The following RGL1 variants were observed in gnomAD, a reference collection of about 807,000 sequenced individuals.
RGL1 encodes the protein ral guanine nucleotide dissociation stimulator-like 1.
RGL1 carries 24 observed loss-of-function variants against 95.2 expected under a neutral mutation model. The observed-to-expected ratio is 0.25, with a 90% confidence interval of 0.18 to 0.35. The LOEUF (loss-of-function observed/expected upper bound fraction) is 0.35. Among genes scored for constraint, RGL1 ranks in the 10% least tolerant of loss-of-function variants. The pLI is 1.00. For missense variants in RGL1, 715 were observed against 936.3 expected, an observed-to-expected ratio of 0.76 and a Z score of 3.08; for synonymous variants, 329 against 344.9, an observed-to-expected ratio of 0.95 and a Z score of 0.51.
At chr1:183,916,313 A>T (rs1558293161) in intron 15 of RGL1, 134 bp from the exon 16 acceptor site, 9 of 1,044,388 alleles carry the variant, frequency 8.6e-6, no homozygotes. Flanking sequence ...GATGAGACAC[A>T]TGTGTGCTGT....
At chr1:183,758,850 CT>C (rs535837320) in intron 2 of RGL1, among the ~76,000 whole-genome samples, 130 of 152,282 alleles carry the variant, frequency 8.5e-4, no homozygotes, top group Middle Eastern at 3.4e-3. Flanking sequence ...AAATGGTGCC[CT>C]TAACTCCATC....
rs192961154 is a variant in RGL1, at chr1:183,748,219, C to T, written c.132+5930C>T. On this transcript the variant is annotated intron_variant, in intron 2 of 18. Transcript: ENST00000304685. ...TGTCTATTTGATCCTTTTCTCTTTT[C>T]GTCTTTATTAGTCTGGCTAGTGGTC... is the stretch of plus-strand genomic sequence containing the variant. 5.9e-4 allele frequency among the ~76,000 whole-genome samples: 89 copies of T among 151,842 alleles called. 2 individuals carry two copies. The East Asian group carries it at 0.015, about 26-fold the overall frequency.
At chr1:183,911,325 G>T (rs1208158408) in intron 14 of RGL1, among the ~76,000 whole-genome samples, 1 of 152,182 alleles carries the variant, frequency 6.6e-6, no homozygotes, top group East Asian at 1.9e-4. Flanking sequence ...CTAGTAGAAA[G>T]ATATTTTTCT....
intron 4 of RGL1, among the ~76,000 whole-genome samples, chr1:183,867,503 G>A (rs578016348): frequency 6.6e-6 from 1 of 152,288 alleles, no homozygotes; most frequent in African/African-American, 2.4e-5. Flanking sequence ...CTTGACAAGT[G>A]CAGTTTGGTG....
In RGL1 at chr1:183,707,126, G is replaced by A. The variant is rs144068694; in HGVS notation, c.-32-35000G>A. ...CTTGATGGCGGCGTCCAGGGGCCCTGTCTTGATAATCCCAGTGGGGGGCCT... is the reference window on the plus strand; with the variant it reads ...CTTGATGGCGGCGTCCAGGGGCCCTATCTTGATAATCCCAGTGGGGGGCCT... On this transcript the variant is annotated intron_variant, in intron 1 of 18. Transcript: ENST00000304685. 2.7e-3 allele frequency among the ~76,000 whole-genome samples: 409 copies of A among 152,298 alleles called. 6 individuals are homozygous for A. The highest frequency in any genetic ancestry group is 0.017 in the Admixed American group (253 of 15,298).
chr1:183,811,790 A>G (rs559641429), intron 2 of RGL1, among the ~76,000 whole-genome samples: 48 of 152,374 alleles, frequency 3.2e-4, no homozygotes, highest in South Asian at 3.1e-3. Flanking sequence ...AGTTCAAAAT[A>G]CATGTCAACT....
At chr1:183,853,982 A>G (rs1236906625) in intron 3 of RGL1, among the ~76,000 whole-genome samples, 1 of 152,192 alleles carries the variant, frequency 6.6e-6, no homozygotes, top group Non-Finnish European at 1.5e-5. Context: ...CTACTCAAGC[A>G]ATATTTATCA....
intron 15 of RGL1, among the ~76,000 whole-genome samples, chr1:183,912,785 G>A (rs937995553): frequency 2.0e-5 from 3 of 152,222 alleles, no homozygotes; most frequent in African/African-American, 7.2e-5. Flanking sequence ...TATTGTTGGA[G>A]TAACGGGCTA....
rs141815891 is a variant in RGL1, at chr1:183,892,089, G to C, written c.1068G>C (p.Leu356=). 110 of 1,611,854 alleles carry C rather than the reference G, an allele frequency of 6.8e-5. No homozygotes were observed. Among genetic ancestry groups the C allele is most frequent in the Admixed American group, 2.5e-4 (15 of 59,968 alleles). The part of the protein sequence containing the change: ...TWAAVPRDRM[L]MFEELSDIFS... ...TCCCTTTTCATAGGGACCGAATGCTGATGTTTGAAGAACTTTCAGATATCT... is the reference window on the plus strand; with the variant it reads ...TCCCTTTTCATAGGGACCGAATGCTCATGTTTGAAGAACTTTCAGATATCT... The change falls in exon 9 of 18, where the codon CTG becomes CTC. Residue 356 remains leucine (L), a synonymous_variant. Coordinates refer to ENST00000360851, the MANE Select transcript of RGL1 (RefSeq NM_001297671.3).
At chr1:183,905,792 A>C (rs1668283954) in intron 13 of RGL1, among the ~76,000 whole-genome samples, 1 of 152,096 alleles carries the variant, frequency 6.6e-6, no homozygotes, top group Non-Finnish European at 1.5e-5. Context: ...CTGTTTTTAC[A>C]TTTTTAAATG....
rs1661771019 is a variant in RGL1, at chr1:183,812,236, A to C, written c.138+5751A>C. ...AACAGAGCAAGAAAAGTTTTGGTTA[A>C]GTGGGGGAAGATAAGAAATGTTACT... On this transcript the variant is annotated intron_variant, in intron 2 of 17. Coordinates refer to ENST00000360851, the MANE Select transcript of RGL1 (RefSeq NM_001297671.3). Among the ~76,000 whole-genome samples, 3 of 152,238 alleles carry C rather than the reference A, an allele frequency of 2.0e-5. No individual in the cohort carries two copies. The South Asian group carries it at 6.2e-4, about 31-fold the overall frequency.
At chr1:183,666,168 G>A (rs61811216) in intron 1 of RGL1, among the ~76,000 whole-genome samples, 3 of 151,662 alleles carry the variant, frequency 2.0e-5, no homozygotes, top group Non-Finnish European at 4.4e-5. Flanking sequence ...ACCACACTCG[G>A]CTAATTTTGT....
At chr1:183,680,256 A>G (rs900086834) in intron 1 of RGL1, among the ~76,000 whole-genome samples, 2 of 152,006 alleles carry the variant, frequency 1.3e-5, no homozygotes, top group Non-Finnish European at 2.9e-5. Context: ...TTTTGTTGCC[A>G]TTGCTTTTGG....
intron 1 of RGL1, among the ~76,000 whole-genome samples, chr1:183,640,143 A>C (rs1649828883): frequency 6.6e-6 from 1 of 152,084 alleles, no homozygotes; most frequent in South Asian, 2.1e-4. Context: ...GGCCAAAGGG[A>C]AACTTTTATT....
At chr1:183,745,657 C>G (rs1657581377) in intron 2 of RGL1, among the ~76,000 whole-genome samples, 1 of 151,974 alleles carries the variant, frequency 6.6e-6, no homozygotes, top group Non-Finnish European at 1.5e-5. Context: ...ACTATTCTAG[C>G]TCTAAAAAAA....
rs1192772596 is a variant in RGL1 at position 183,724,829 on chromosome 1, G to A, written c.-32-17297G>A. ...TTAGGGCCTTGAGTGAACACAGGCA[G>A]TAGGCAGATAGTGGTTATAGCAGGC... is the stretch of plus-strand genomic sequence containing the variant. On this transcript the variant is annotated intron_variant, in intron 1 of 18. Transcript: ENST00000304685. The surrounding 1 kb of genome is among the most constrained non-coding windows in gnomAD (Gnocchi z 4.1). Among the ~76,000 whole-genome samples the A allele has an allele frequency of 6.6e-6, 1 of 152,072 alleles. No individual in the cohort carries two copies. The highest frequency in any genetic ancestry group is 1.9e-4 in the East Asian group (1 of 5,182).
At chr1:183,765,812 T>C (rs183300586) in intron 2 of RGL1, among the ~76,000 whole-genome samples, 1 of 152,312 alleles carries the variant, frequency 6.6e-6, no homozygotes, top group Non-Finnish European at 1.5e-5. Context: ...AGGATAGCTA[T>C]AGTCAAAGAC....
chr1:183,762,366 G>A (rs1421915010), intron 2 of RGL1, among the ~76,000 whole-genome samples: 2 of 152,184 alleles, frequency 1.3e-5, no homozygotes, highest in Non-Finnish European at 2.9e-5. Context: ...ATGTCTCAGG[G>A]AATAGAAAGG....
chr1:183,687,842 G>A (rs1653702849), intron 1 of RGL1, among the ~76,000 whole-genome samples: 2 of 152,166 alleles, frequency 1.3e-5, no homozygotes, highest in African/African-American at 4.8e-5. Flanking sequence ...AAGGTTTGAG[G>A]ATCCTGAAAT....
Sources: allele counts gnomAD v4.1 joint callset (sites outside exome capture counted in the v4.1 genomes callset), GRCh38; gene constraint gnomAD v4.1.1; non-coding constraint Gnocchi (gnomAD v3.1); transcripts MANE v1.5; gene names NCBI Gene and HGNC (gene_info 2026-07-23, HGNC 2026-07-21).